Variants in GRM5 observed in about 807,000 individuals in gnomAD.
GRM5 encodes glutamate metabotropic receptor 5.
Under a neutral mutation model 83.1 loss-of-function variants are expected in GRM5, and 19 were observed. The observed-to-expected ratio is 0.23, with a 90% CI of 0.16 to 0.34. GRM5 has a LOEUF of 0.34. Among genes scored for constraint, GRM5 ranks in the 10% least tolerant of loss-of-function variants. The pLI is 1.00. For synonymous variants in GRM5, 675 were observed against 633.6 expected (o/e 1.07, Z -0.98); for missense variants, 1,160 against 1,588.3 (o/e 0.73, Z 4.58).
chr11:88,613,415 G>A (rs538941939), intron 4 of GRM5, among the ~76,000 whole-genome samples: 1 of 152,236 alleles, frequency 6.6e-6, no homozygotes, highest in South Asian at 2.1e-4. Context: ...GGATAGTTGA[G>A]TCTTCTTGTT....
intron 2 of GRM5, among the ~76,000 whole-genome samples, chr11:89,003,517 G>A (rs1054748614): frequency 1.3e-5 from 2 of 152,064 alleles, no homozygotes; most frequent in Non-Finnish European, 2.9e-5. Context: ...TTAAAGCATG[G>A]AAAAAGGACT....
intron 2 of GRM5, among the ~76,000 whole-genome samples, chr11:88,923,685 A>C (rs997423496): frequency 1.3e-5 from 2 of 152,018 alleles, no homozygotes; most frequent in African/African-American, 4.8e-5. Flanking sequence ...TTTTTAAATA[A>C]CAAAAAGAGT....
At chr11:88,721,335 A>G (rs1303342348) in intron 3 of GRM5, among the ~76,000 whole-genome samples, 1 of 152,060 alleles carries the variant, frequency 6.6e-6, no homozygotes, top group Non-Finnish European at 1.5e-5. Flanking sequence ...CTTGTCATTA[A>G]AGCCACCCCT....
At chr11:88,911,285 C>T (rs1434566487) in intron 2 of GRM5, among the ~76,000 whole-genome samples, 3 of 152,094 alleles carry the variant, frequency 2.0e-5, no homozygotes, top group African/African-American at 4.8e-5. Context: ...ACAAGTCCTT[C>T]GCCTACACAG....
At chr11:88,986,038 T>A (rs1338406253) in intron 2 of GRM5, among the ~76,000 whole-genome samples, 1 of 152,058 alleles carries the variant, frequency 6.6e-6, no homozygotes, top group Non-Finnish European at 1.5e-5. Flanking sequence ...TCCTAAAAAA[T>A]GAAAAATTAT....
chr11:88,812,058 G>GT (rs1204936663), intron 3 of GRM5, among the ~76,000 whole-genome samples: 1 of 152,174 alleles, frequency 6.6e-6, no homozygotes, highest in East Asian at 1.9e-4. Flanking sequence ...CAAAAGGAAG[G>GT]TGAAGTTAAT....
chr11:88,988,470 A>G (rs1939821467), intron 2 of GRM5, among the ~76,000 whole-genome samples: 2 of 152,268 alleles, frequency 1.3e-5, no homozygotes, highest in East Asian at 1.9e-4. Flanking sequence ...CCCCAATCTA[A>G]CAAGGCAGGC....
intron 8 of GRM5, among the ~76,000 whole-genome samples, chr11:88,537,207 G>A (rs1591331519): frequency 6.6e-6 from 1 of 152,138 alleles, no homozygotes; most frequent in East Asian, 1.9e-4. Context: ...TAGGCTTTGA[G>A]CACAATATAC....
At chr11:88,774,054 T>A (rs1942795358) in intron 3 of GRM5, among the ~76,000 whole-genome samples, 2 of 152,196 alleles carry the variant, frequency 1.3e-5, no homozygotes, top group Non-Finnish European at 1.5e-5. Context: ...GTATGGCAAT[T>A]TTCACAATAT....
At chr11:88,682,730 G>C (rs1185828406) in intron 3 of GRM5, among the ~76,000 whole-genome samples, 1 of 152,042 alleles carries the variant, frequency 6.6e-6, no homozygotes, top group Non-Finnish European at 1.5e-5. Flanking sequence ...TCTAATCATA[G>C]TAAGACAGGA....
intron 8 of GRM5, among the ~76,000 whole-genome samples, chr11:88,542,431 C>G (rs577971093): frequency 4.6e-5 from 7 of 152,156 alleles, no homozygotes; most frequent in Non-Finnish European, 1.0e-4. Context: ...AGCAAGCATA[C>G]GTAACAGGCA....
intron 2 of GRM5, among the ~76,000 whole-genome samples, chr11:88,897,011 C>G (rs1191716786): frequency 4.0e-5 from 6 of 151,880 alleles, no homozygotes; most frequent in Non-Finnish European, 7.4e-5. Context: ...ACCCTGAACT[C>G]CAGGACAAAA....
At chr11:88,704,396 T>TA (rs1217965024) in intron 3 of GRM5, among the ~76,000 whole-genome samples, 1 of 152,024 alleles carries the variant, frequency 6.6e-6, no homozygotes, top group African/African-American at 2.4e-5. Context: ...ACCACACTCT[T>TA]ACACACAGAG....
intron 2 of GRM5, among the ~76,000 whole-genome samples, chr11:88,887,834 C>T (rs1945071820): frequency 6.6e-6 from 1 of 152,142 alleles, no homozygotes; most frequent in South Asian, 2.1e-4. Flanking sequence ...TGCACAAGGG[C>T]ATGGCCTTTT....
At chr11:88,903,399 T>A (rs1051783101) in intron 2 of GRM5, among the ~76,000 whole-genome samples, 1 of 152,196 alleles carries the variant, frequency 6.6e-6, no homozygotes, top group Non-Finnish European at 1.5e-5. Context: ...CTACTGGCTA[T>A]CTGCCCAAGG....
intron 3 of GRM5, among the ~76,000 whole-genome samples, chr11:88,694,424 G>A (rs545851639): frequency 6.6e-6 from 1 of 152,198 alleles, no homozygotes; most frequent in South Asian, 2.1e-4. Context: ...AAATGTAGAG[G>A]TGAATGCAAG....
At chr11:88,526,910 G>C (rs964189504) in intron 8 of GRM5, among the ~76,000 whole-genome samples, 4 of 152,020 alleles carry the variant, frequency 2.6e-5, no homozygotes, top group Non-Finnish European at 4.4e-5. Context: ...GGCCCCACCT[G>C]TTAGAATTTA....
rs1013886355 is a variant in GRM5 at position 88,505,362 on chromosome 11, C to G, written c.*3230G>C. 6.6e-6 allele frequency: 1 copy of G among 152,190 alleles called. No individual in the cohort carries two copies. The highest frequency in any genetic ancestry group is 2.4e-5 in the African/African-American group (1 of 41,442). The allele number at this position is 152,190 out of a possible 1,614,324, so 9.4% of individuals were successfully genotyped here. ...TTATTCTTAAAAAGAGCATTTAATT[C>G]CTGGCTTGGAAGTCACAGAACTGCA... On this transcript the variant is annotated 3_prime_UTR_variant, in exon 10 of 10. Coordinates refer to ENST00000305447, the MANE Select transcript of GRM5 (RefSeq NM_001143831.3).
Sources: gnomAD v4.1 joint callset for allele counts (sites outside exome capture counted in the v4.1 genomes callset) on GRCh38, gnomAD v4.1.1 for gene constraint, MANE v1.5 for transcripts, NCBI Gene and HGNC (gene_info 2026-07-23, HGNC 2026-07-21) for gene names.